Variants in TGFBR2 observed in about 807,000 individuals in gnomAD.
TGFBR2 encodes the protein transforming growth factor beta receptor 2, also known as TGF-beta receptor type-2.
Under a neutral mutation model 49.0 loss-of-function variants are expected in TGFBR2, and 18 were observed. The ratio of observed to expected loss-of-function variants is 0.37; its 90% confidence interval spans 0.25 to 0.54. The LOEUF (loss-of-function observed/expected upper bound fraction) is 0.54, where lower values mean the gene tolerates loss of function less well. Among genes scored for constraint, TGFBR2 ranks in the 20% least tolerant of loss-of-function variants. TGFBR2 has a pLI of 0.85. For missense variants in TGFBR2, 525 were observed against 722.6 expected (o/e 0.73, Z 3.13); for synonymous variants, 282 against 275.9 (o/e 1.02, Z -0.22).
chr3:30,642,835 T>C (rs920171610), intron 1 of TGFBR2, among the ~76,000 whole-genome samples: 2 of 152,174 alleles, frequency 1.3e-5, no homozygotes, highest in African/African-American at 4.8e-5. Flanking sequence ...TCTCCCAAAT[T>C]TCACACAGTT....
intron 2 of TGFBR2, among the ~76,000 whole-genome samples, chr3:30,647,737 C>T (rs147721655): frequency 0.01 from 1,538 of 151,356 alleles, 34 homozygotes; most frequent in African/African-American, 0.035. Context: ...AGTGCAATGG[C>T]GTGATCTGGG....
intron 5 of TGFBR2, among the ~76,000 whole-genome samples, chr3:30,678,390 A>G (rs1013859969): frequency 3.9e-5 from 6 of 152,060 alleles, no homozygotes; most frequent in Admixed American, 3.3e-4. Flanking sequence ...TACTAAAAAT[A>G]CAAAAAAATT....
At position 30,671,982 on chromosome 3, in the gene TGFBR2, A is replaced by T. The variant is rs1699347493; in HGVS notation, c.799A>T (p.Thr267Ser). Residue 267 changes from threonine to serine, a missense_variant, in exon 4 of 7, where the codon ACT (threonine) becomes TCT (serine). By Grantham distance (58) the Thr-to-Ser change is moderately conservative (BLOSUM62 1). Transcript: ENST00000295754. Reference sequence around the variant, plus strand: ...CTATAAGGCCAAGCTGAAGCAGAACACTTCAGAGCAGTTTGAGACAGTGGC... The same window carrying T: ...CTATAAGGCCAAGCTGAAGCAGAACTCTTCAGAGCAGTTTGAGACAGTGGC... ...EVYKAKLKQNTSEQFETVAVK... is the reference protein window; with the variant it reads ...EVYKAKLKQNSSEQFETVAVK... 1 of 1,614,152 alleles carries T rather than the reference A, an allele frequency of 6.2e-7. No homozygotes were observed. Among genetic ancestry groups the T allele is most frequent in the East Asian group, 2.2e-5 (1 of 44,874 alleles).
intron 3 of TGFBR2, among the ~76,000 whole-genome samples, chr3:30,664,164 T>A (rs940744504): frequency 1.1e-4 from 16 of 145,800 alleles, no homozygotes; most frequent in Non-Finnish European, 2.1e-4. Context: ...TTTTTTTTTT[T>A]ATACAGACAG....
intron 3 of TGFBR2, among the ~76,000 whole-genome samples, chr3:30,652,787 A>G (rs1426251669): frequency 6.6e-6 from 1 of 152,186 alleles, no homozygotes; most frequent in Admixed American, 6.5e-5. Flanking sequence ...TATTTCCTCC[A>G]AAAGGACAAA....
chr3:30,624,405 T>G (rs1698291200), intron 1 of TGFBR2, among the ~76,000 whole-genome samples: 1 of 151,784 alleles, frequency 6.6e-6, no homozygotes. Flanking sequence ...ATCACGAGGT[T>G]AAGAGATTGA....
chr3:30,615,671 T>C, intron 1 of TGFBR2, among the ~76,000 whole-genome samples: 1 of 152,180 alleles, frequency 6.6e-6, no homozygotes. Context: ...AATAAAAATA[T>C]TTGTTTTTTA....
intron 3 of TGFBR2, among the ~76,000 whole-genome samples, chr3:30,655,114 A>G (rs1166340070): frequency 1.3e-5 from 2 of 152,164 alleles, no homozygotes; most frequent in Non-Finnish European, 2.9e-5. Flanking sequence ...AGGTGTTGTG[A>G]GGATTGAGTA....
chr3:30,679,600 A>G (rs970487858), intron 5 of TGFBR2, among the ~76,000 whole-genome samples: 11 of 152,178 alleles, frequency 7.2e-5, no homozygotes, highest in African/African-American at 2.4e-4. Flanking sequence ...GCCATAAAGG[A>G]ATAATTACCA....
intron 1 of TGFBR2, among the ~76,000 whole-genome samples, chr3:30,613,448 T>G (rs2125445187): frequency 6.6e-6 from 1 of 152,218 alleles, no homozygotes; most frequent in South Asian, 2.1e-4. Context: ...TCCTGAAGGC[T>G]GTCATTGCTA....
chr3:30,666,232 T>C (rs1402972327), intron 3 of TGFBR2, among the ~76,000 whole-genome samples: 1 of 152,246 alleles, frequency 6.6e-6, no homozygotes. Flanking sequence ...TTATTTTTAA[T>C]GCCCTTCAGA....
intron 1 of TGFBR2, among the ~76,000 whole-genome samples, chr3:30,608,338 T>C (rs147175207): frequency 6.6e-6 from 1 of 152,308 alleles, no homozygotes; most frequent in Non-Finnish European, 1.5e-5. Flanking sequence ...TTCTGGGCCT[T>C]AGTTTCCTCA....
In TGFBR2 at chr3:30,693,680, A is replaced by G. The variant is rs2125458167; in HGVS notation, c.*2081A>G. On this transcript the variant is annotated 3_prime_UTR_variant, in exon 7 of 7. Transcript: ENST00000295754. ...CACTTGCACCGTAGGGCATGCTGAT[A>G]CCATCCCAATAGCTGTTGCCCATTG... The G allele has an allele frequency of 4.3e-6, 1 of 233,700 alleles. No individual in the cohort carries two copies. Among genetic ancestry groups the G allele is most frequent in the Non-Finnish European group, 8.5e-6 (1 of 117,982 alleles). 14.5% of individuals were successfully genotyped at this position (233,700 alleles called of 1,614,324 possible).
intron 2 of TGFBR2, among the ~76,000 whole-genome samples, chr3:30,647,467 G>A (rs936183580): frequency 6.6e-6 from 1 of 152,092 alleles, no homozygotes; most frequent in African/African-American, 2.4e-5. Flanking sequence ...TAAGACAGGA[G>A]GCTATTGTAA....
chr3:30,687,204 G>A (rs1340041565), intron 5 of TGFBR2, among the ~76,000 whole-genome samples: 1 of 152,152 alleles, frequency 6.6e-6, no homozygotes, highest in Non-Finnish European at 1.5e-5. Context: ...CCCCGGTGAA[G>A]GGTTACCTCC....
intron 1 of TGFBR2, among the ~76,000 whole-genome samples, chr3:30,613,527 AGAGAG>A (rs1559446056): frequency 0.01 from 375 of 36,204 alleles, 1 homozygote; most frequent in African/African-American, 0.05. Context: ...TCTGTATGTG[AGAGAG>A]AGAGAGAGAG....
intron 1 of TGFBR2, 50 bp downstream of exon 1, chr3:30,607,027 G>T: frequency 6.7e-7 from 1 of 1,489,998 alleles, no homozygotes; most frequent in Non-Finnish European, 9.1e-7. Flanking sequence ...GTCTTCCTGG[G>T]GTCCCCGCCT....
chr3:30,685,360 GA>G (rs1172238359), intron 5 of TGFBR2, among the ~76,000 whole-genome samples: 1 of 152,210 alleles, frequency 6.6e-6, no homozygotes, highest in Non-Finnish European at 1.5e-5. Context: ...AGATTGTGCA[GA>G]TTCACTGAGA....
At chr3:30,622,752 C>T (rs763661088) in intron 1 of TGFBR2, among the ~76,000 whole-genome samples, 12 of 151,500 alleles carry the variant, frequency 7.9e-5, no homozygotes, top group Middle Eastern at 3.4e-3. Context: ...TGGTGGGACA[C>T]GCCTATAATC....
Sources: gnomAD v4.1 joint callset for allele counts (sites outside exome capture counted in the v4.1 genomes callset) on GRCh38, gnomAD v4.1.1 for gene constraint, MANE v1.5 for transcripts, NCBI Gene and HGNC (gene_info 2026-07-23, HGNC 2026-07-21) for gene names.